Variants in TNFSF4 observed in about 807,000 individuals in gnomAD.
TNFSF4 encodes the protein tumor necrosis factor ligand superfamily member 4.
TNFSF4 carries 4 observed loss-of-function variants against 7.3 expected under a neutral mutation model. That is an observed-to-expected ratio of 0.55 (90% confidence interval 0.27 to 1.25). The LOEUF is 1.25. TNFSF4 is among the 50% of genes most tolerant of loss of function. TNFSF4 has a pLI of 0.12. For synonymous variants in TNFSF4, 76 were observed against 83.7 expected, an observed-to-expected ratio of 0.91 and a Z score of 0.50; for missense variants, 181 against 208.8, an observed-to-expected ratio of 0.87 and a Z score of 0.82.
At chr1:173,445,018 T>C in the TNFSF4 span, among the ~76,000 whole-genome samples, 6 of 152,222 alleles carry the variant, frequency 3.9e-5, no homozygotes, top group African/African-American at 1.2e-4. Context: ...GGGATAGTCA[T>C]GGTTTCTACT....
chr1:173,442,271 A>C, the TNFSF4 span, among the ~76,000 whole-genome samples: 2 of 152,286 alleles, frequency 1.3e-5, no homozygotes, highest in African/African-American at 4.8e-5. Flanking sequence ...CCCACCACAC[A>C]GACCAGGACC....
the TNFSF4 span, among the ~76,000 whole-genome samples, chr1:173,176,785 C>T: frequency 2.0e-5 from 3 of 152,138 alleles, no homozygotes; most frequent in Admixed American, 1.3e-4. Context: ...TGGACTACTA[C>T]ACAGCCATAA....
the TNFSF4 span, among the ~76,000 whole-genome samples, chr1:173,290,727 T>C: frequency 3.3e-5 from 5 of 151,912 alleles, no homozygotes; most frequent in African/African-American, 1.2e-4. Context: ...CCTGACCAAT[T>C]GGACCTAATA....
the TNFSF4 span, among the ~76,000 whole-genome samples, chr1:173,254,218 T>C: frequency 1.3e-5 from 2 of 152,196 alleles, no homozygotes; most frequent in African/African-American, 4.8e-5. Flanking sequence ...ACAAATTTAG[T>C]TATAAATCTA....
intron 1 of TNFSF4, among the ~76,000 whole-genome samples, chr1:173,194,678 T>G (rs955812031): frequency 2.0e-5 from 3 of 150,986 alleles, no homozygotes; most frequent in African/African-American, 7.3e-5. Flanking sequence ...CACTCAGGAG[T>G]CCAGGACCAG....
At chr1:173,291,909 A>AT in the TNFSF4 span, among the ~76,000 whole-genome samples, 2 of 152,068 alleles carry the variant, frequency 1.3e-5, no homozygotes, top group African/African-American at 4.8e-5. Context: ...GAAGAAATAG[A>AT]TAAATTCCTG....
chr1:173,354,846 C>T, the TNFSF4 span, among the ~76,000 whole-genome samples: 1 of 152,222 alleles, frequency 6.6e-6, no homozygotes, highest in Admixed American at 6.5e-5. Context: ...TTATGCAGTT[C>T]CTGGCTCACA....
the TNFSF4 span, chr1:173,441,865 G>A: frequency 6.6e-6 from 1 of 152,164 alleles, no homozygotes; most frequent in African/African-American, 2.4e-5. Flanking sequence ...CCAGGGTGAA[G>A]GGCAAGGCAA....
At chr1:173,292,156 T>C in the TNFSF4 span, among the ~76,000 whole-genome samples, 2 of 152,032 alleles carry the variant, frequency 1.3e-5, no homozygotes, top group East Asian at 1.9e-4. Context: ...ATCAGCCTGA[T>C]ACCAAAATCA....
At position 173,188,521 on chromosome 1, in the gene TNFSF4, C is replaced by G. The variant is rs1232689355; in HGVS notation, c.202G>C (p.Glu68Gln). The change falls in exon 2 of 3, where the codon GAA (glutamate) becomes CAA (glutamine). Residue 68 changes from glutamate (E) to glutamine (Q), a missense_variant and splice_region_variant. Physicochemically the swap from Glu to Gln is conservative, Grantham distance 29. Coordinates refer to ENST00000281834, the MANE Select transcript of TNFSF4 (RefSeq NM_003326.5). ...RIQSIKVQFT[E>Q]YKKEKGFILT... ...CAATTAAACTTTTGACAATACTTACCGGTAAATTGTACTTTGATACTTTGA... is the reference window on the plus strand; with the variant it reads ...CAATTAAACTTTTGACAATACTTACGGGTAAATTGTACTTTGATACTTTGA... The G allele has an allele frequency of 3.1e-6, 5 of 1,607,558 alleles. No individual in the cohort carries two copies. Among genetic ancestry groups the G allele is most frequent in the Non-Finnish European group, 4.3e-6 (5 of 1,174,640 alleles).
chr1:173,370,622 GA>G, the TNFSF4 span, among the ~76,000 whole-genome samples: 16 of 152,120 alleles, frequency 1.1e-4, no homozygotes, highest in Non-Finnish European at 2.2e-4. Flanking sequence ...GATCCTAAAA[GA>G]TAAGTTTATT....
At chr1:173,375,392 G>A in the TNFSF4 span, among the ~76,000 whole-genome samples, 2 of 152,184 alleles carry the variant, frequency 1.3e-5, no homozygotes, top group Non-Finnish European at 2.9e-5. Context: ...ATTCCCAACA[G>A]CAGTTGGGGT....
At chr1:173,363,524 G>T in the TNFSF4 span, 1 of 461,098 alleles carries the variant, frequency 2.2e-6, no homozygotes, top group Admixed American at 2.5e-5. Context: ...TTACCTTTAA[G>T]ATTCTTAAGA....
chr1:173,277,902 C>T, the TNFSF4 span, among the ~76,000 whole-genome samples: 72 of 152,168 alleles, frequency 4.7e-4, no homozygotes, highest in South Asian at 2.1e-3. Flanking sequence ...CAGAAATGTT[C>T]CTGGCAGAAA....
the TNFSF4 span, among the ~76,000 whole-genome samples, chr1:173,344,043 G>A: frequency 1.3e-5 from 2 of 152,196 alleles, no homozygotes; most frequent in African/African-American, 4.8e-5. Context: ...AAAAGGCTTA[G>A]GATGGTCATG....
At chr1:173,254,660 T>A in the TNFSF4 span, among the ~76,000 whole-genome samples, 2 of 152,338 alleles carry the variant, frequency 1.3e-5, no homozygotes, top group Non-Finnish European at 2.9e-5. Context: ...TCCAGGCTCC[T>A]GGAAGAGTAG....
At chr1:173,379,980 G>A in the TNFSF4 span, among the ~76,000 whole-genome samples, 222 of 152,290 alleles carry the variant, frequency 1.5e-3, 1 homozygote, top group Non-Finnish European at 2.4e-3. Context: ...CAGGGCAAGC[G>A]CCAGCTCATG....
the TNFSF4 span, among the ~76,000 whole-genome samples, chr1:173,349,319 C>T: frequency 3.3e-5 from 5 of 152,216 alleles, no homozygotes; most frequent in East Asian, 1.9e-4. Context: ...TGAGCCACCA[C>T]GCCCGGCCCC....
the TNFSF4 span, chr1:173,441,774 T>C: frequency 6.6e-6 from 1 of 152,254 alleles, no homozygotes; most frequent in South Asian, 2.1e-4. Flanking sequence ...TGTGTTTGCA[T>C]ACTTGTGTTT....
Sources: allele counts gnomAD v4.1 joint callset (sites outside exome capture counted in the v4.1 genomes callset), GRCh38; gene constraint gnomAD v4.1.1; transcripts MANE v1.5; gene names NCBI Gene and HGNC (gene_info 2026-07-23, HGNC 2026-07-21).